Variants in NR2F1-AS1 observed in about 807,000 individuals in gnomAD.
NR2F1-AS1 encodes NR2F1 antisense RNA 1.
chr5:93,442,051 T>C (rs1469120765), intron 4 of NR2F1-AS1, among the ~76,000 whole-genome samples: 1 of 152,164 alleles, frequency 6.6e-6, no homozygotes, highest in African/African-American at 2.4e-5. Context: ...TCTGGCCCTT[T>C]ATAGAAAATG....
At chr5:93,466,756 A>G (rs1286025878) in intron 4 of NR2F1-AS1, among the ~76,000 whole-genome samples, 1 of 152,082 alleles carries the variant, frequency 6.6e-6, no homozygotes, top group African/African-American at 2.4e-5. Context: ...CATCATCCAC[A>G]CTATCAAGTA....
chr5:93,417,989 T>TTTTTC (rs1156593680), intron 4 of NR2F1-AS1, among the ~76,000 whole-genome samples: 3 of 152,126 alleles, frequency 2.0e-5, no homozygotes, highest in African/African-American at 4.8e-5. Context: ...GCATCATGCT[T>TTTTTC]TTTTCTTTTC....
At chr5:93,582,271 T>TAA (rs752563970), upstream of NR2F1-AS1, among the ~76,000 whole-genome samples, 4,042 of 131,050 alleles carry the variant, frequency 0.031, 164 homozygotes, top group African/African-American at 0.094. Flanking sequence ...AGCCAGGTGA[T>TAA]AAAAAAAAAA....
At chr5:93,466,276 C>T (rs1421094569) in intron 4 of NR2F1-AS1, among the ~76,000 whole-genome samples, 1 of 151,900 alleles carries the variant, frequency 6.6e-6, no homozygotes, top group Non-Finnish European at 1.5e-5. Context: ...TTTCCTCCTC[C>T]TCTTTTGCTT....
chr5:93,438,795 A>T (rs1458288729), intron 4 of NR2F1-AS1: 1 of 152,244 alleles, frequency 6.6e-6, no homozygotes, highest in Admixed American at 6.5e-5. Context: ...TCCCACTTCT[A>T]ACATAAAAGA....
chr5:93,503,468 T>A (rs186992299), intron 4 of NR2F1-AS1, among the ~76,000 whole-genome samples: 1 of 152,288 alleles, frequency 6.6e-6, no homozygotes, highest in African/African-American at 2.4e-5. Flanking sequence ...ACTTCTATAA[T>A]CCCAAATTCG....
chr5:93,539,610 A>C (rs1751908344), intron 4 of NR2F1-AS1, among the ~76,000 whole-genome samples: 1 of 152,148 alleles, frequency 6.6e-6, no homozygotes, highest in African/African-American at 2.4e-5. Flanking sequence ...GATCAGGGGA[A>C]GGAGGGAATG....
intron 4 of NR2F1-AS1, among the ~76,000 whole-genome samples, chr5:93,539,352 C>A (rs116303267): frequency 0.021 from 3,173 of 152,166 alleles, 107 homozygotes; most frequent in African/African-American, 0.073. Context: ...AGGGAATCAA[C>A]CTATGTATTC....
chr5:93,467,759 G>A (rs1459538153), intron 4 of NR2F1-AS1, among the ~76,000 whole-genome samples: 1 of 152,142 alleles, frequency 6.6e-6, no homozygotes, highest in East Asian at 1.9e-4. Context: ...CATGTGCCAT[G>A]TTGGTTTGCT....
Position 93,579,235 on chromosome 5 carries a change from C to G in NR2F1-AS1, n.313+1232G>C, listed in dbSNP as rs1407677093. Among the ~76,000 whole-genome samples the G allele has an allele frequency of 6.6e-6, 1 of 152,162 alleles. No homozygotes were observed. The highest frequency in any genetic ancestry group is 1.9e-4 in the East Asian group (1 of 5,164). On this transcript the variant is annotated intron_variant and non_coding_transcript_variant, in intron 1 of 5. Transcript: ENST00000660523. This position sits in a 1 kb window ranked among gnomAD's most constrained non-coding sequence, Gnocchi z 5.1. ...CCCCGTAGGAGTGCGAGCCGCTCCC[C>G]TCCTCCGAAAAGCCGCGGGCTTCCG...
At chr5:93,561,779 C>A (rs1425677069) in intron 2 of NR2F1-AS1, among the ~76,000 whole-genome samples, 8 of 151,624 alleles carry the variant, frequency 5.3e-5, no homozygotes, top group East Asian at 1.9e-4. Context: ...AAAAAAAAAA[C>A]AAAACAAATT....
At chr5:93,576,872 C>G (rs181629704) in intron 1 of NR2F1-AS1, among the ~76,000 whole-genome samples, 5 of 152,324 alleles carry the variant, frequency 3.3e-5, no homozygotes, top group Admixed American at 3.3e-4. Context: ...AACTTTCATC[C>G]AAACCTAATC....
chr5:93,469,250 T>C (rs1429036303), intron 4 of NR2F1-AS1, among the ~76,000 whole-genome samples: 5 of 152,138 alleles, frequency 3.3e-5, no homozygotes, highest in African/African-American at 9.7e-5. Flanking sequence ...CTAGGATATA[T>C]GGTATGGCCT....
rs1212415787 is a variant in NR2F1-AS1 at position 93,417,480 on chromosome 5, C to G, written n.639-21938G>C. On this transcript the variant is annotated intron_variant and non_coding_transcript_variant, in intron 4 of 5. Transcript: ENST00000660523. The stretch of plus-strand genomic sequence containing the variant: ...ATATAAAACTGCCAATACATAACAA[C>G]CAATTCAATCTTACAAGTTTAAATG... Among the ~76,000 whole-genome samples, 4 of 152,170 alleles carry G rather than the reference C, an allele frequency of 2.6e-5. No homozygotes were observed. The East Asian group carries it at 7.7e-4, about 29-fold the overall frequency.
chr5:93,418,875 T>C (rs1749027095), intron 4 of NR2F1-AS1, among the ~76,000 whole-genome samples: 1 of 152,344 alleles, frequency 6.6e-6, no homozygotes, highest in African/African-American at 2.4e-5. Context: ...TTTCACTCTC[T>C]GGACTATTCA....
At chr5:93,434,974 G>A (rs1749404122) in intron 4 of NR2F1-AS1, among the ~76,000 whole-genome samples, 1 of 152,146 alleles carries the variant, frequency 6.6e-6, no homozygotes, top group Admixed American at 6.6e-5. Context: ...AGTTGTTAAG[G>A]TGGTATCTAC....
intron 4 of NR2F1-AS1, among the ~76,000 whole-genome samples, chr5:93,473,617 A>G (rs1179515468): frequency 1.3e-5 from 2 of 150,710 alleles, no homozygotes; most frequent in Non-Finnish European, 3.0e-5. Context: ...TTAAATATAT[A>G]TATTATATAT....
chr5:93,549,884 T>A (rs1234797822), intron 4 of NR2F1-AS1, among the ~76,000 whole-genome samples: 28 of 152,074 alleles, frequency 1.8e-4, no homozygotes, highest in Non-Finnish European at 8.8e-5. Context: ...AAACACTGCA[T>A]GCTCTTACTC....
At chr5:93,448,246 C>A (rs1174183443) in intron 4 of NR2F1-AS1, among the ~76,000 whole-genome samples, 1 of 152,078 alleles carries the variant, frequency 6.6e-6, no homozygotes, top group African/African-American at 2.4e-5. Context: ...TTCACCACAA[C>A]TTGTAAAATA....
Sources: allele counts gnomAD v4.1 joint callset (sites outside exome capture counted in the v4.1 genomes callset), GRCh38; gene constraint gnomAD v4.1.1; non-coding constraint Gnocchi (gnomAD v3.1); transcripts MANE v1.5; gene names NCBI Gene and HGNC (gene_info 2026-07-23, HGNC 2026-07-21).